MYO10: variants seen among roughly 807,000 people sequenced by gnomAD.
MYO10 encodes the protein unconventional myosin-X.
MYO10 carries 133 observed loss-of-function variants against 257.3 expected under a neutral mutation model. The ratio of observed to expected loss-of-function variants is 0.52; its 90% CI spans 0.45 to 0.60. The LOEUF is 0.60. Among genes scored for constraint, MYO10 ranks in the 20% least tolerant of loss-of-function variants. MYO10 has a pLI of 0.00. For synonymous variants in MYO10, 1,104 were observed against 1,028.6 expected (o/e 1.07, Z -1.40); for missense variants, 2,399 against 2,635.7 (o/e 0.91, Z 1.97).
chr5:16,837,140 AT>A, intron 2 of MYO10, among the ~76,000 whole-genome samples: 1 of 152,160 alleles, frequency 6.6e-6, no homozygotes, highest in Admixed American at 6.5e-5. Flanking sequence ...GAGAAACCCC[AT>A]CTCTACTAAA....
chr5:16,761,949 G>GCCCA lies in MYO10; in HGVS notation c.1656+92_1656+95dup, dbSNP rs536696310. On this transcript the variant is annotated intron_variant, in intron 16 of 40. Coordinates refer to ENST00000513610, the MANE Select transcript of MYO10 (RefSeq NM_012334.3). ...ACTGTAGGCTCATGTGAGCCACCAT[G>GCCCA]CCCAGCCCAATAAATTCATGATTGG... The GCCCA allele has an allele frequency of 7.0e-6, 9 of 1,280,842 alleles. No individual in the cohort carries two copies. In the East Asian group the frequency reaches 1.8e-4, roughly 26 times the overall value. The allele number at this position is 1,280,842 out of a possible 1,614,324, so 79.3% of individuals were successfully genotyped here. A position where few individuals can be genotyped will look rare whatever the true frequency, so the allele number is the denominator to read the frequency against.
Position 16,701,578 on chromosome 5 carries a change from C to T in MYO10, c.2817G>A (p.Gln939=). ...RLEEEACRAA[Q]EFLESLNFDE... ...CGAAATTGAGGGACTCGAGGAACTC[C>T]TGGGCCGCCCTGCACGCTTCCTCCT... The change falls in exon 25 of 41, where the codon CAG becomes CAA. Residue 939 remains glutamine (Q), a synonymous_variant. Transcript: ENST00000513610. This position sits in a 1 kb window ranked among gnomAD's most constrained non-coding sequence, Gnocchi z 8.1. 1 of 1,613,838 alleles carries T rather than the reference C, an allele frequency of 6.2e-7. No homozygotes were observed.
At chr5:16,741,986 A>C in intron 19 of MYO10, 6 of 985,356 alleles carry the variant, frequency 6.1e-6, no homozygotes, top group Non-Finnish European at 6.0e-6. Context: ...GATTCTACTC[A>C]AAGGAAGTCC....
chr5:16,842,924 AG>A (rs967333943), intron 2 of MYO10, among the ~76,000 whole-genome samples: 3 of 146,192 alleles, frequency 2.1e-5, no homozygotes, highest in African/African-American at 5.1e-5. Context: ...AAAAAGAAAA[AG>A]GAAAAAAAAA....
intron 2 of MYO10, among the ~76,000 whole-genome samples, chr5:16,856,235 T>C (rs1743957253): frequency 6.6e-6 from 1 of 152,132 alleles, no homozygotes; most frequent in Non-Finnish European, 1.5e-5. Context: ...GGAAAATGTG[T>C]CAACACAGAT....
intron 4 of MYO10, among the ~76,000 whole-genome samples, chr5:16,788,844 G>A (rs1012868734): frequency 1.3e-5 from 2 of 152,112 alleles, no homozygotes; most frequent in Non-Finnish European, 2.9e-5. Context: ...GGAACCAAAC[G>A]AGCATCTTTT....
intron 10 of MYO10, among the ~76,000 whole-genome samples, chr5:16,767,041 A>G (rs1225414889): frequency 6.6e-6 from 1 of 151,954 alleles, no homozygotes; most frequent in Non-Finnish European, 1.5e-5. Context: ...TTTCATTAAT[A>G]ACACTAAGAT....
In MYO10 at chr5:16,662,275, G is replaced by T. The variant is rs2126431040; in HGVS notation, c.*4417C>A. The T allele has an allele frequency of 6.9e-6, 1 of 144,844 alleles. No homozygotes were observed. The highest frequency in any genetic ancestry group is 7.0e-5 in the Admixed American group (1 of 14,300). 9.0% of individuals were successfully genotyped at this position (144,844 alleles called of 1,614,324 possible). ...ATTTAGTGTGCTATCTGAATAAAAG[G>T]CTTAGTAACTAAAAAAAGTGCTGTC... On this transcript the variant is annotated 3_prime_UTR_variant, in exon 41 of 41. Transcript: ENST00000513610.
In MYO10 at chr5:16,699,566, T is replaced by G; in HGVS notation, c.3440A>C (p.Asp1147Ala). Residue 1147 changes from aspartate (D) to alanine (A), a missense_variant, in exon 26 of 41, where the codon GAT becomes GCT. By Grantham distance (126) the Asp-to-Ala change is moderately radical (BLOSUM62 -2). Coordinates refer to ENST00000513610, the MANE Select transcript of MYO10 (RefSeq NM_012334.3). ...SSEGAQSSFEDSEEDFDSRFD... is the reference protein window; with the variant it reads ...SSEGAQSSFEASEEDFDSRFD... ...CCTGGAATCAAAGTCCTCTTCACTA[T>G]CTTCAAACTGGACCGAGAGAGAGAA... is the stretch of plus-strand genomic sequence containing the variant. The G allele has an allele frequency of 6.2e-7, 1 of 1,613,474 alleles. No individual in the cohort carries two copies. Among genetic ancestry groups the G allele is most frequent in the African/African-American group, 1.3e-5 (1 of 74,914 alleles).
At chr5:16,894,653 C>G (rs756039821) in intron 1 of MYO10, among the ~76,000 whole-genome samples, 1 of 152,176 alleles carries the variant, frequency 6.6e-6, no homozygotes, top group African/African-American at 2.4e-5. Flanking sequence ...AGAGATCCAG[C>G]GCAAAGATTA....
At chr5:16,783,666 C>T (rs944802282) in intron 4 of MYO10, among the ~76,000 whole-genome samples, 197 bp from the exon 5 acceptor site, 2 of 152,182 alleles carry the variant, frequency 1.3e-5, no homozygotes, top group Non-Finnish European at 2.9e-5. Context: ...TTGTGTCTGG[C>T]CTTACTCGCC....
rs142117625 is a variant in MYO10, at chr5:16,929,294, G to A, written c.21+6494C>T. Among the ~76,000 whole-genome samples the A allele has an allele frequency of 1.4e-3, 207 of 152,174 alleles. 2 individuals are homozygous for A. The East Asian group carries it at 0.031, about 23-fold the overall frequency. On this transcript the variant is annotated intron_variant, in intron 1 of 40. Transcript: ENST00000513610. ...CAAAAGCTGATGAACATTTTCCTGCGGAGTTTTCAACATTTCTAGGGTGTG... is the reference window on the plus strand; with the variant it reads ...CAAAAGCTGATGAACATTTTCCTGCAGAGTTTTCAACATTTCTAGGGTGTG...
In MYO10 at chr5:16,669,484, A is replaced by G. The variant is rs192399844; in HGVS notation, c.5884-1016T>C. On this transcript the variant is annotated intron_variant, in intron 39 of 40. Coordinates refer to ENST00000513610, the MANE Select transcript of MYO10 (RefSeq NM_012334.3). ...CTCCCAAAGCGCTGGGATTACAGGC[A>G]TGAGCCACCGCGCCCGGCCAAGCCA... Among the ~76,000 whole-genome samples the G allele has an allele frequency of 7.2e-4, 110 of 152,240 alleles. No homozygotes were observed. The East Asian group carries it at 8.9e-3, about 12-fold the overall frequency.
chr5:16,862,258 C>T (rs1422743168), intron 2 of MYO10, among the ~76,000 whole-genome samples: 1 of 152,230 alleles, frequency 6.6e-6, no homozygotes, highest in Non-Finnish European at 1.5e-5. Context: ...ATCATCCCTG[C>T]CCTCAGTGCA....
chr5:16,700,819 A>G, intron 25 of MYO10, 144 bp downstream of exon 25: 1 of 1,076,442 alleles, frequency 9.3e-7, no homozygotes, highest in Admixed American at 3.0e-5. Flanking sequence ...GGAATAAGCA[A>G]AAGGTTTAAG....
chr5:16,929,815 G>A (rs1746246968), intron 1 of MYO10, among the ~76,000 whole-genome samples: 1 of 152,140 alleles, frequency 6.6e-6, no homozygotes, highest in South Asian at 2.1e-4. Context: ...TCAATCAGAG[G>A]TTGGTTGAAT....
intron 2 of MYO10, among the ~76,000 whole-genome samples, chr5:16,876,807 G>A (rs543211402): frequency 7.1e-4 from 108 of 152,196 alleles, no homozygotes; most frequent in Non-Finnish European, 8.4e-4. Flanking sequence ...TGTCCGACTC[G>A]GCCTCCCAAA....
intron 36 of MYO10, 141 bp downstream of exon 36, chr5:16,673,541 G>C: frequency 1.3e-6 from 1 of 756,386 alleles, no homozygotes; most frequent in Non-Finnish European, 2.1e-6. Context: ...TGGGTTACAT[G>C]CATTTCCTTA....
intron 39 of MYO10, among the ~76,000 whole-genome samples, chr5:16,669,723 T>A (rs1050769640): frequency 6.6e-6 from 1 of 152,174 alleles, no homozygotes; most frequent in African/African-American, 2.4e-5. Context: ...TTTATAATAT[T>A]TAGAATTTTA....
Sources: allele counts gnomAD v4.1 joint callset (sites outside exome capture counted in the v4.1 genomes callset), GRCh38; gene constraint gnomAD v4.1.1; non-coding constraint Gnocchi (gnomAD v3.1); transcripts MANE v1.5; gene names NCBI Gene and HGNC (gene_info 2026-07-23, HGNC 2026-07-21).